The following PTPRN2 variants were observed in gnomAD, a reference collection of about 807,000 sequenced individuals.
The protein encoded by PTPRN2 is receptor-type tyrosine-protein phosphatase N2.
Under a neutral mutation model 118.8 loss-of-function variants are expected in PTPRN2, and 74 were observed. That is an observed-to-expected ratio of 0.62 (90% CI 0.52 to 0.76). The LOEUF is 0.76. PTPRN2 is among the 30% of genes least tolerant of loss of function. The pLI is 0.00. For missense variants in PTPRN2, 1,481 were observed against 1,394.4 expected (o/e 1.06, Z -0.99); for synonymous variants, 641 against 608.0 (o/e 1.05, Z -0.80).
intron 1 of PTPRN2, among the ~76,000 whole-genome samples, chr7:158,498,957 G>A (rs989605109): frequency 4.6e-5 from 7 of 152,224 alleles, no homozygotes; most frequent in Non-Finnish European, 5.9e-5. Context: ...TGCTGTAAAC[G>A]TGAACTTTAG....
rs1554453177 is a variant in PTPRN2 at position 157,805,314 on chromosome 7, TGTGC to T, written c.1788+93355_1788+93358del. 3.9e-3 allele frequency among the ~76,000 whole-genome samples: 583 copies of T among 149,152 alleles called. 3 individuals are homozygous for T. The highest frequency in any genetic ancestry group is 0.014 in the African/African-American group (550 of 39,718). ...CTGTGTGTGTGTGTGTGTGTGTGTG[TGTGC>T]GTGTGCAAATACATCATCAACTGAA... On this transcript the variant is annotated intron_variant, in intron 12 of 22. Transcript: ENST00000389418.
intron 11 of PTPRN2, 97 bp downstream of exon 11, chr7:158,081,201 G>GT: frequency 8.0e-7 from 1 of 1,247,632 alleles, no homozygotes; most frequent in South Asian, 1.2e-5. Context: ...GGTAGTGTGA[G>GT]TCTCTCTCTG....
At chr7:157,551,161 T>G (rs1798578372) in intron 21 of PTPRN2, among the ~76,000 whole-genome samples, 1 of 152,102 alleles carries the variant, frequency 6.6e-6, no homozygotes, top group Non-Finnish European at 1.5e-5. Flanking sequence ...AGTCCCTGCA[T>G]GGAGAGCGCC....
chr7:157,961,763 T>C (rs1585094104), intron 11 of PTPRN2, among the ~76,000 whole-genome samples: 1 of 152,338 alleles, frequency 6.6e-6, no homozygotes, highest in Middle Eastern at 3.4e-3. Context: ...ACTTAGTAAA[T>C]TCGGCACTCA....
intron 11 of PTPRN2, among the ~76,000 whole-genome samples, chr7:158,050,224 G>A (rs1247329551): frequency 6.6e-6 from 1 of 152,206 alleles, no homozygotes; most frequent in African/African-American, 2.4e-5. Flanking sequence ...TTCAGGGAAT[G>A]CAGCCTTTTG....
intron 2 of PTPRN2, among the ~76,000 whole-genome samples, chr7:158,396,680 GTGTGTGTGCATGTTTGTGTGTGCACA>G (rs1204224594): frequency 1.3e-5 from 2 of 152,148 alleles, no homozygotes; most frequent in Non-Finnish European, 2.9e-5. Flanking sequence ...TTGTGTGCAC[GTGTGTGTGCATGTTTGTGTGTGCACA>G]TGTGTGCATG....
chr7:158,528,930 A>G (rs1006920576), intron 1 of PTPRN2, among the ~76,000 whole-genome samples: 1 of 152,194 alleles, frequency 6.6e-6, no homozygotes, highest in Non-Finnish European at 1.5e-5. Flanking sequence ...GCCTGAGTCT[A>G]AGGTGATGAG....
intron 12 of PTPRN2, 48 bp from the exon 13 acceptor site, chr7:157,682,985 C>A (rs1289218884): frequency 2.0e-5 from 30 of 1,476,718 alleles, no homozygotes; most frequent in Non-Finnish European, 2.8e-5. Context: ...CAAAGCATGA[C>A]CTCCTAAAAA....
intron 11 of PTPRN2, among the ~76,000 whole-genome samples, chr7:158,023,239 A>T (rs1029565817): frequency 6.6e-6 from 1 of 152,114 alleles, no homozygotes; most frequent in Non-Finnish European, 1.5e-5. Context: ...TCGCTAAAGG[A>T]GGAGCTCACC....
At position 157,609,489 on chromosome 7, in the gene PTPRN2, C is replaced by A. The variant is rs1250796938; in HGVS notation, c.2345-5414G>T. ...CTTCTCTCATCCTGGACCCAGTGGCCATCCTGGACCACGGACAGAACAGGG... is the reference window on the plus strand; with the variant it reads ...CTTCTCTCATCCTGGACCCAGTGGCAATCCTGGACCACGGACAGAACAGGG... On this transcript the variant is annotated intron_variant, in intron 15 of 22. Transcript: ENST00000389418. This position sits in a 1 kb window ranked among gnomAD's most constrained non-coding sequence, Gnocchi z 4.9. Among the ~76,000 whole-genome samples the A allele has an allele frequency of 6.6e-6, 1 of 152,086 alleles. No homozygotes were observed. Among genetic ancestry groups the A allele is most frequent in the Non-Finnish European group, 1.5e-5 (1 of 68,012 alleles).
At chr7:157,684,717 C>T (rs1161586230) in intron 12 of PTPRN2, among the ~76,000 whole-genome samples, 3 of 151,570 alleles carry the variant, frequency 2.0e-5, no homozygotes, top group Non-Finnish European at 4.4e-5. Context: ...CGCGCCCCTC[C>T]CCGCCCCTCC....
At position 158,529,925 on chromosome 7, in the gene PTPRN2, A is replaced by ACACACATG. The variant is rs1368727989; in HGVS notation, c.113-40148_113-40141dup. On this transcript the variant is annotated intron_variant, in intron 1 of 22. Coordinates refer to ENST00000389418, the MANE Select transcript of PTPRN2 (RefSeq NM_002847.5). The surrounding 1 kb of genome is among the most constrained non-coding windows in gnomAD (Gnocchi z 4.7). ...ACACAGCACACATATGCACGCTACC[A>ACACACATG]CACACATGCACACATGTATCTCACA... Among the ~76,000 whole-genome samples, 1 of 151,926 alleles carries ACACACATG rather than the reference A, an allele frequency of 6.6e-6. No individual in the cohort carries two copies. The highest frequency in any genetic ancestry group is 1.5e-5 in the Non-Finnish European group (1 of 67,982).
At chr7:158,046,688 C>T (rs1007682826) in intron 11 of PTPRN2, among the ~76,000 whole-genome samples, 12 of 152,274 alleles carry the variant, frequency 7.9e-5, no homozygotes, top group South Asian at 4.2e-4. Flanking sequence ...GAGAGGATGC[C>T]GGGCTGGGTG....
Position 157,610,182 on chromosome 7 carries a change from T to TGA in PTPRN2, c.2345-6109_2345-6108dup, listed in dbSNP as rs1380507241. Among the ~76,000 whole-genome samples the TGA allele has an allele frequency of 6.6e-6, 1 of 152,164 alleles. No individual in the cohort carries two copies. The highest frequency in any genetic ancestry group is 1.5e-5 in the Non-Finnish European group (1 of 68,032). ...ACGGTGCTGCTGTTTGGAGGATGCG[T>TGA]GAGGCCATCTGTGAAGCCACTGCTG... On this transcript the variant is annotated intron_variant, in intron 15 of 22. Transcript: ENST00000389418. The surrounding 1 kb of genome is among the most constrained non-coding windows in gnomAD (Gnocchi z 5.1).
Position 157,611,809 on chromosome 7 carries a change from G to A in PTPRN2, c.2345-7734C>T, listed in dbSNP as rs1366799763. 3.4e-5 allele frequency among the ~76,000 whole-genome samples: 5 copies of A among 147,594 alleles called. No homozygotes were observed. The highest frequency in any genetic ancestry group is 2.7e-4 in the Admixed American group (4 of 14,934). On this transcript the variant is annotated intron_variant, in intron 15 of 22. Coordinates refer to ENST00000389418, the MANE Select transcript of PTPRN2 (RefSeq NM_002847.5). The surrounding 1 kb of genome is among the most constrained non-coding windows in gnomAD (Gnocchi z 5.9). ...GGGGACACGCGGAGGGAGAGCGCCC[G>A]TGTGAAGACGAAGACAGCCGCAGTC...
chr7:158,397,438 G>A (rs1295304737), intron 2 of PTPRN2, among the ~76,000 whole-genome samples: 1 of 152,206 alleles, frequency 6.6e-6, no homozygotes, highest in African/African-American at 2.4e-5. Context: ...AGGGGACAGG[G>A]CTGACATGAA....
intron 12 of PTPRN2, among the ~76,000 whole-genome samples, chr7:157,804,793 C>T (rs767122212): frequency 2.0e-5 from 3 of 152,296 alleles, no homozygotes; most frequent in South Asian, 4.1e-4. Context: ...CAGACAGATC[C>T]GATGTCATCT....
intron 11 of PTPRN2, among the ~76,000 whole-genome samples, chr7:157,927,132 T>G (rs113307905): frequency 1.5e-4 from 16 of 106,606 alleles, no homozygotes; most frequent in African/African-American, 1.8e-4. Context: ...CCTCGCATCT[T>G]CTGGGACCCC....
Position 157,993,934 on chromosome 7 carries a change from G to A in PTPRN2, c.1723+87364C>T, listed in dbSNP as rs1585160180. 2.0e-5 allele frequency among the ~76,000 whole-genome samples: 3 copies of A among 152,216 alleles called. 1 individual carries two copies. The highest frequency in any genetic ancestry group is 2.0e-4 in the Admixed American group (3 of 15,298). ...TGCACTGAGCTCACTGGGTCTCCCT[G>A]CGCCCGTGTCTGGAGTCATACACAA... On this transcript the variant is annotated intron_variant, in intron 11 of 22. Coordinates refer to ENST00000389418, the MANE Select transcript of PTPRN2 (RefSeq NM_002847.5).
Sources: allele counts gnomAD v4.1 joint callset (sites outside exome capture counted in the v4.1 genomes callset), GRCh38; gene constraint gnomAD v4.1.1; non-coding constraint Gnocchi (gnomAD v3.1); transcripts MANE v1.5; gene names NCBI Gene and HGNC (gene_info 2026-07-23, HGNC 2026-07-21).